The following HDAC8 variants were observed in gnomAD, a reference collection of about 807,000 sequenced individuals.
HDAC8 encodes the protein histone deacetylase-like 1.
In HDAC8, 1 loss-of-function variant was observed where a neutral mutation model predicts 32.2. The ratio of observed to expected loss-of-function variants is 0.03; its 90% CI spans 0.01 to 0.15. The LOEUF (loss-of-function observed/expected upper bound fraction) is 0.15. Among genes scored for constraint, HDAC8 ranks in the 10% least tolerant of loss-of-function variants. The probability of loss-of-function intolerance (pLI) is 1.00; values close to 1 mark genes in which losing one functional copy is unlikely to be tolerated. For missense variants in HDAC8, 117 were observed against 300.0 expected, an observed-to-expected ratio of 0.39 and a Z score of 4.51; for synonymous variants, 108 against 113.9, an observed-to-expected ratio of 0.95 and a Z score of 0.33.
At chrX:72,331,979 C>G (rs781888721) in intron 10 of HDAC8, among the ~76,000 whole-genome samples, 2 of 112,334 alleles carry the variant, frequency 1.8e-5, no homozygotes, top group Non-Finnish European at 3.8e-5. Context: ...ATCTGTTATC[C>G]TTCTCTAAAA....
At chrX:72,572,015 G>T (rs781858751) in intron 2 of HDAC8, 42 bp downstream of exon 2, 6 of 1,091,780 alleles carry the variant, frequency 5.5e-6, no homozygotes, top group Non-Finnish European at 7.3e-6. Context: ...TTAAGGCTAC[G>T]AACACCTAGC....
intron 6 of HDAC8, among the ~76,000 whole-genome samples, chrX:72,489,433 T>C (rs2048785664): frequency 9.0e-6 from 1 of 111,329 alleles, no homozygotes; most frequent in African/African-American, 3.3e-5. Context: ...GTCATTCTTC[T>C]TGTTATTGTC....
chrX:72,497,201 T>C (rs2049054984), intron 4 of HDAC8, among the ~76,000 whole-genome samples: 1 of 111,467 alleles, frequency 9.0e-6, no homozygotes, highest in Non-Finnish European at 1.9e-5. Flanking sequence ...ATGACGAAGA[T>C]GATGTCTATC....
chrX:72,485,051 C>T lies in HDAC8; in HGVS notation c.737+3882G>A, dbSNP rs954881931. Among the ~76,000 whole-genome samples, 13 of 111,476 alleles carry T rather than the reference C, an allele frequency of 1.2e-4. No individual in the cohort carries two copies. In the South Asian group the frequency reaches 3.1e-3, roughly 26 times the overall value. On this transcript the variant is annotated intron_variant, in intron 7 of 10. Transcript: ENST00000373573. The stretch of plus-strand genomic sequence containing the variant: ...TCCCACCAACCTTCATGGGTATATG[C>T]GTGTGTGGCCCGGGGATGGGGTGGT...
chrX:72,528,509 G>A (rs782752721), intron 4 of HDAC8, among the ~76,000 whole-genome samples: 36 of 112,172 alleles, frequency 3.2e-4, no homozygotes, highest in African/African-American at 1.1e-3. Flanking sequence ...TGAGCTTCCT[G>A]TGATAAGAGG....
chrX:72,407,575 C>T (rs1156399522), intron 9 of HDAC8, among the ~76,000 whole-genome samples: 1 of 111,698 alleles, frequency 9.0e-6, no homozygotes, highest in African/African-American at 3.3e-5. Flanking sequence ...AATAGGGAAG[C>T]AGGAAAGACA....
Position 72,341,366 on chromosome X carries a change from C to G in HDAC8, c.1111+10367G>C, listed in dbSNP as rs1444855693. ...AGCAGTATTGTGAGAGCAGCAGGTG[C>G]TCCTGCTATTGTTGCTGCCATAGCT... On this transcript the variant is annotated intron_variant, in intron 10 of 10. Coordinates refer to ENST00000373573, the MANE Select transcript of HDAC8 (RefSeq NM_018486.3). Among the ~76,000 whole-genome samples, 10 of 111,903 alleles carry G rather than the reference C, an allele frequency of 8.9e-5. No homozygotes were observed. The Admixed American group carries it at 9.5e-4, about 11-fold the overall frequency.
chrX:72,438,583 T>G (rs1261103683), intron 9 of HDAC8, among the ~76,000 whole-genome samples: 1 of 111,024 alleles, frequency 9.0e-6, no homozygotes, highest in Non-Finnish European at 1.9e-5. Flanking sequence ...TTAGAGGAAT[T>G]GCTAACTAGA....
chrX:72,464,417 C>A (rs2047953848), intron 8 of HDAC8, 142 bp downstream of exon 8: 1 of 528,112 alleles, frequency 1.9e-6, no homozygotes, highest in Admixed American at 2.5e-5. Flanking sequence ...GTGGAGGTGG[C>A]AGATTTTATT....
intron 4 of HDAC8, among the ~76,000 whole-genome samples, chrX:72,516,546 C>T (rs914697008): frequency 6.3e-5 from 7 of 111,166 alleles, no homozygotes; most frequent in Admixed American, 9.6e-5. Context: ...TGAGTACTTA[C>T]GAGTTTAGCA....
intron 9 of HDAC8, among the ~76,000 whole-genome samples, chrX:72,368,006 C>G (rs1164636810): frequency 8.8e-6 from 1 of 113,285 alleles, no homozygotes; most frequent in African/African-American, 3.2e-5. Flanking sequence ...GAGCTAAATT[C>G]AGAGCTACTG....
chrX:72,331,001 G>A (rs2043507610), intron 10 of HDAC8: 1 of 86,635 alleles, frequency 1.2e-5, no homozygotes, highest in Middle Eastern at 0.01. Flanking sequence ...TGCCCAGGCT[G>A]TCGTACAATG....
intron 4 of HDAC8, among the ~76,000 whole-genome samples, chrX:72,546,564 G>A (rs1408838967): frequency 1.8e-5 from 2 of 111,122 alleles, no homozygotes; most frequent in African/African-American, 3.3e-5. Flanking sequence ...ACATTCTGGA[G>A]GTTAGGAGTC....
chrX:72,566,587 A>C (rs1282180751), intron 4 of HDAC8, among the ~76,000 whole-genome samples: 1 of 112,056 alleles, frequency 8.9e-6, no homozygotes, highest in Non-Finnish European at 1.9e-5. Flanking sequence ...CTGAAAAACA[A>C]AGTGTTGTTT....
chrX:72,463,698 G>T (rs1304355932), intron 8 of HDAC8, among the ~76,000 whole-genome samples: 2 of 112,059 alleles, frequency 1.8e-5, no homozygotes, highest in Non-Finnish European at 3.8e-5. Flanking sequence ...GCTGCCAAAG[G>T]ACAAGGCTTG....
intron 9 of HDAC8, among the ~76,000 whole-genome samples, chrX:72,414,940 A>G (rs2046294767): frequency 8.9e-6 from 1 of 112,048 alleles, no homozygotes; most frequent in African/African-American, 3.2e-5. Flanking sequence ...AGGTTCCTTG[A>G]TCCTGGGAAA....
chrX:72,454,476 G>A (rs1555988951), intron 9 of HDAC8, among the ~76,000 whole-genome samples: 1 of 112,179 alleles, frequency 8.9e-6, no homozygotes, highest in Non-Finnish European at 1.9e-5. Flanking sequence ...AAAAAACTGG[G>A]TGAAATTGTA....
At chrX:72,547,033 C>T (rs977269930) in intron 4 of HDAC8, among the ~76,000 whole-genome samples, 2 of 111,204 alleles carry the variant, frequency 1.8e-5, no homozygotes, top group Middle Eastern at 4.7e-3. Flanking sequence ...GACCACACCC[C>T]TCCTCTTTTC....
chrX:72,479,371 T>C (rs1284458962), intron 7 of HDAC8, among the ~76,000 whole-genome samples: 2 of 111,311 alleles, frequency 1.8e-5, no homozygotes, highest in Non-Finnish European at 3.8e-5. Context: ...GAAGCCCAGA[T>C]TATAGTCAAG....
Sources: allele counts gnomAD v4.1 joint callset (sites outside exome capture counted in the v4.1 genomes callset), GRCh38; gene constraint gnomAD v4.1.1; transcripts MANE v1.5; gene names NCBI Gene and HGNC (gene_info 2026-07-23, HGNC 2026-07-21).